Variants in PCYT1A observed in about 807,000 individuals in gnomAD.
PCYT1A encodes choline-phosphate cytidylyltransferase A.
A neutral mutation model predicts 43.7 loss-of-function variants in PCYT1A; 25 were observed. The ratio of observed to expected loss-of-function variants is 0.57; its 90% CI spans 0.42 to 0.80. PCYT1A has a LOEUF of 0.80. PCYT1A is among the 30% of genes least tolerant of loss of function. The probability of loss-of-function intolerance (pLI) is 0.00; values close to 1 mark genes in which losing one functional copy is unlikely to be tolerated. For synonymous variants in PCYT1A, 172 were observed against 170.7 expected, an observed-to-expected ratio of 1.01 and a Z score of -0.06; for missense variants, 421 against 474.2, an observed-to-expected ratio of 0.89 and a Z score of 1.04.
rs7640304 is a variant in PCYT1A, at chr3:196,277,236, A to T, written c.-10-6695T>A. ...CAAGAGTGAGACTCCATTTCAAAAA[A>T]ATATATATATTTTTTTCTTTACCTG... On this transcript the variant is annotated intron_variant, in intron 1 of 8. Coordinates refer to ENST00000431016, the MANE Select transcript of PCYT1A (RefSeq NM_001312673.2). This position sits in a 1 kb window ranked among gnomAD's most constrained non-coding sequence, Gnocchi z 4.1. Among the ~76,000 whole-genome samples, 56,763 of 151,566 alleles carry T rather than the reference A, an allele frequency of 0.37. 11,310 individuals are homozygous for T. Among genetic ancestry groups the T allele is most frequent in the East Asian group, 0.81 (4,174 of 5,126 alleles).
At chr3:196,284,934 C>T (rs1202045386) in intron 1 of PCYT1A, among the ~76,000 whole-genome samples, 1 of 152,150 alleles carries the variant, frequency 6.6e-6, no homozygotes, top group Non-Finnish European at 1.5e-5. Flanking sequence ...AAGTAAACAT[C>T]TAATGTGCTA....
Position 196,234,783 on chromosome 3 carries a change from G to A in PCYT1A, c.*3905C>T, listed in dbSNP as rs776919115. The A allele has an allele frequency of 1.3e-5, 2 of 152,218 alleles. No homozygotes were observed. The highest frequency in any genetic ancestry group is 1.3e-4 in the Admixed American group (2 of 15,282). 9.4% of individuals were successfully genotyped at this position (152,218 alleles called of 1,614,324 possible). ...TCTTCAAGAAAATTAACATTTAATG[G>A]TATAATCCCAAGAACATGTTCTACT... is the stretch of plus-strand genomic sequence containing the variant. On this transcript the variant is annotated 3_prime_UTR_variant, in exon 9 of 9. Transcript: ENST00000431016.
At chr3:196,254,857 A>G (rs1290859481) in intron 3 of PCYT1A, among the ~76,000 whole-genome samples, 3 of 152,068 alleles carry the variant, frequency 2.0e-5, no homozygotes, top group Non-Finnish European at 4.4e-5. Flanking sequence ...TACCACCGAA[A>G]CATTCTGTTC....
In PCYT1A at chr3:196,268,502, G is replaced by A. The variant is rs1246974835; in HGVS notation, c.117+1913C>T. Among the ~76,000 whole-genome samples, 2 of 152,174 alleles carry A rather than the reference G, an allele frequency of 1.3e-5. No homozygotes were observed. Among genetic ancestry groups the A allele is most frequent in the African/African-American group, 2.4e-5 (1 of 41,442 alleles). ...CATACATGGCAAAAGAGACTCTGCA[G>A]GCCAGGCACAGTGGCTCACGCCTGG... On this transcript the variant is annotated intron_variant, in intron 2 of 8. Coordinates refer to ENST00000431016, the MANE Select transcript of PCYT1A (RefSeq NM_001312673.2). The surrounding 1 kb of genome is among the most constrained non-coding windows in gnomAD (Gnocchi z 4.4).
chr3:196,241,883 G>C (rs768473867), intron 7 of PCYT1A, 65 bp downstream of exon 7: 2 of 1,572,358 alleles, frequency 1.3e-6, no homozygotes, highest in Non-Finnish European at 1.8e-6. Context: ...GTTCAGCTGA[G>C]ATGGAGTGGG....
rs1192628853 is a variant in PCYT1A at position 196,282,391 on chromosome 3, G to C, written c.-11+5224C>G. Among the ~76,000 whole-genome samples, 2 of 152,184 alleles carry C rather than the reference G, an allele frequency of 1.3e-5. No homozygotes were observed. Among genetic ancestry groups the C allele is most frequent in the Non-Finnish European group, 2.9e-5 (2 of 68,040 alleles). On this transcript the variant is annotated intron_variant, in intron 1 of 8. Coordinates refer to ENST00000431016, the MANE Select transcript of PCYT1A (RefSeq NM_001312673.2). This position sits in a 1 kb window ranked among gnomAD's most constrained non-coding sequence, Gnocchi z 4.3. ...GTTTAGAATGTGATCTTCCTAGAGT[G>C]GGTTATGGAACTCATATCTCTGAGG...
chr3:196,243,548 T>G (rs895557882), intron 5 of PCYT1A, among the ~76,000 whole-genome samples: 2 of 147,406 alleles, frequency 1.4e-5, no homozygotes, highest in African/African-American at 5.1e-5. Flanking sequence ...ACGGTCTCCC[T>G]CTCCCTCTCT....
At chr3:196,271,628 C>G (rs573234406) in intron 1 of PCYT1A, among the ~76,000 whole-genome samples, 1 of 139,040 alleles carries the variant, frequency 7.2e-6, no homozygotes, top group African/African-American at 2.7e-5. Context: ...GAGAAAGAGT[C>G]TCACTGTGTC....
intron 7 of PCYT1A, among the ~76,000 whole-genome samples, chr3:196,240,205 C>T (rs1724307881): frequency 6.6e-6 from 1 of 152,154 alleles, no homozygotes; most frequent in South Asian, 2.1e-4. Context: ...GATTTTTCCC[C>T]TCTATCACTG....
rs556930306 is a variant in PCYT1A, at chr3:196,282,435, T to G, written c.-11+5180A>C. Among the ~76,000 whole-genome samples, 33 of 152,336 alleles carry G rather than the reference T, an allele frequency of 2.2e-4. No individual in the cohort carries two copies. The highest frequency in any genetic ancestry group is 7.7e-4 in the African/African-American group (32 of 41,574). On this transcript the variant is annotated intron_variant, in intron 1 of 8. Transcript: ENST00000431016. This position sits in a 1 kb window ranked among gnomAD's most constrained non-coding sequence, Gnocchi z 4.3. ...TCTGAGGCAGGGTCTATGATAGAAT[T>G]CAGGAAGTCTGTGAATTTGGATGAA...
chr3:196,278,586 T>G (rs79415121), intron 1 of PCYT1A, among the ~76,000 whole-genome samples: 1,638 of 152,224 alleles, frequency 0.011, 20 homozygotes, highest in Non-Finnish European at 0.018. Context: ...GAAAAGTATT[T>G]GGAGATAGAA....
At chr3:196,280,964 C>T (rs1725753618) in intron 1 of PCYT1A, among the ~76,000 whole-genome samples, 1 of 152,210 alleles carries the variant, frequency 6.6e-6, no homozygotes, top group Non-Finnish European at 1.5e-5. Context: ...AAAAATCTAA[C>T]TCAAACTTGA....
intron 5 of PCYT1A, among the ~76,000 whole-genome samples, chr3:196,243,599 T>G (rs1377177249): frequency 2.0e-5 from 3 of 152,156 alleles, no homozygotes; most frequent in African/African-American, 4.8e-5. Context: ...AGCTGGACTG[T>G]ACTGCCGCCA....
chr3:196,267,652 G>T (rs1322845911), intron 2 of PCYT1A, among the ~76,000 whole-genome samples: 1 of 151,974 alleles, frequency 6.6e-6, no homozygotes, highest in East Asian at 1.9e-4. Flanking sequence ...AGAAAGTTGA[G>T]GCTGCAGTGA....
At position 196,238,752 on chromosome 3, in the gene PCYT1A, G is replaced by A; in HGVS notation, c.1040C>T (p.Ser347Phe). 3 of 1,592,596 alleles carry A rather than the reference G, an allele frequency of 1.9e-6. No individual in the cohort carries two copies. The highest frequency in any genetic ancestry group is 2.6e-6 in the Non-Finnish European group (3 of 1,170,406). ...CTTGTGCCTGGAGAGATTTGCTGGG[G>A]AGCAAGGTGGGGAAGTCTTGCCGGA... is the stretch of plus-strand genomic sequence containing the variant. ...PFSGKTSPPC[S>F]PANLSRHKAA... is the part of the protein sequence containing the mutation. The change falls in exon 9 of 9, where the codon TCC becomes TTC. Residue 347 changes from serine (S) to phenylalanine (F), a missense_variant. Transcript: ENST00000431016.
At chr3:196,284,296 G>C (rs1204752835) in intron 1 of PCYT1A, among the ~76,000 whole-genome samples, 3 of 152,150 alleles carry the variant, frequency 2.0e-5, no homozygotes, top group African/African-American at 7.2e-5. Flanking sequence ...AACATCTCTA[G>C]GAGAGGTTAT....
At chr3:196,278,375 G>A (rs1353597048) in intron 1 of PCYT1A, among the ~76,000 whole-genome samples, 1 of 152,146 alleles carries the variant, frequency 6.6e-6, no homozygotes, top group African/African-American at 2.4e-5. Flanking sequence ...TCTGGAAAAG[G>A]AGGTGGCTTT....
chr3:196,285,331 T>G (rs1725879499), intron 1 of PCYT1A, among the ~76,000 whole-genome samples: 1 of 152,084 alleles, frequency 6.6e-6, no homozygotes. Flanking sequence ...TGGTGGCACA[T>G]GCCTGTAGTC....
At chr3:196,243,871 T>C (rs1198843558) in intron 5 of PCYT1A, among the ~76,000 whole-genome samples, 1 of 152,382 alleles carries the variant, frequency 6.6e-6, no homozygotes, top group Non-Finnish European at 1.5e-5. Context: ...AGTGGCGTGA[T>C]CTCGGCTCGC....
Sources: gnomAD v4.1 joint callset for allele counts (sites outside exome capture counted in the v4.1 genomes callset) on GRCh38, gnomAD v4.1.1 for gene constraint, Gnocchi (gnomAD v3.1) non-coding constraint, MANE v1.5 for transcripts, NCBI Gene and HGNC (gene_info 2026-07-23, HGNC 2026-07-21) for gene names.